The following MDGA2 variants were observed in gnomAD, a reference collection of about 807,000 sequenced individuals.
MDGA2 encodes the protein MAM domain-containing glycosylphosphatidylinositol anchor protein 2.
MDGA2 carries 40 observed loss-of-function variants against 117.8 expected under a neutral mutation model. That is an observed-to-expected ratio of 0.34 (90% CI 0.26 to 0.44). The LOEUF (loss-of-function observed/expected upper bound fraction) is 0.44, where lower values mean the gene tolerates loss of function less well. MDGA2 is among the 20% of genes least tolerant of loss of function. The pLI, the probability that MDGA2 is intolerant of heterozygous loss-of-function variation, is 1.00. For synonymous variants in MDGA2, 452 were observed against 439.0 expected (o/e 1.03, Z -0.37); for missense variants, 1,123 against 1,250.6 (o/e 0.90, Z 1.54).
At chr14:46,893,923 T>C (rs1882979402) in intron 10 of MDGA2, among the ~76,000 whole-genome samples, 1 of 152,008 alleles carries the variant, frequency 6.6e-6, no homozygotes, top group African/African-American at 2.4e-5. Flanking sequence ...CTTCTATGTA[T>C]ATGTCCCTTA....
chr14:47,372,669 T>A (rs950821025), intron 1 of MDGA2, among the ~76,000 whole-genome samples: 6 of 151,990 alleles, frequency 3.9e-5, no homozygotes, highest in Non-Finnish European at 7.4e-5. Context: ...ATATAGTAAA[T>A]TTAAGAATTA....
chr14:47,338,525 G>T (rs1890527381), intron 1 of MDGA2, among the ~76,000 whole-genome samples: 1 of 151,756 alleles, frequency 6.6e-6, no homozygotes. Context: ...TGTATGTTTG[G>T]AATCATAACC....
intron 2 of MDGA2, among the ~76,000 whole-genome samples, chr14:47,255,491 A>T (rs1361506062): frequency 6.6e-6 from 1 of 152,206 alleles, no homozygotes; most frequent in Non-Finnish European, 1.5e-5. Context: ...CCTTGGCCCT[A>T]TGCCTGCATC....
At chr14:47,441,244 C>A (rs559050124) in intron 1 of MDGA2, among the ~76,000 whole-genome samples, 1 of 152,190 alleles carries the variant, frequency 6.6e-6, no homozygotes, top group African/African-American at 2.4e-5. Flanking sequence ...ACAAGGGCAG[C>A]TGGTCACGGA....
chr14:46,920,030 G>A lies in MDGA2; in HGVS notation c.2220C>T (p.Tyr740=), dbSNP rs1884064643. 2 of 1,584,160 alleles carry A rather than the reference G, an allele frequency of 1.3e-6. No individual in the cohort carries two copies. The highest frequency in any genetic ancestry group is 1.8e-5 in the Admixed American group (1 of 54,242). The stretch of plus-strand genomic sequence containing the variant: ...TTCTCACCTGCCTGATGCCCAACCG[G>A]TATGCAACAATCCGATCCACTGCAT... ...NPDAVDRIVA[Y]RLGIRQAGQQ... is the part of the protein sequence containing the mutation. Residue 740 remains tyrosine (Y), a synonymous_variant, in exon 10 of 17, where the codon TAC becomes TAT. Transcript: ENST00000399232.
At chr14:47,607,279 A>C (rs1346834488) in intron 1 of MDGA2, among the ~76,000 whole-genome samples, 1 of 152,140 alleles carries the variant, frequency 6.6e-6, no homozygotes, top group Non-Finnish European at 1.5e-5. Flanking sequence ...GAAGAAAATA[A>C]AGTGCATATT....
intron 1 of MDGA2, among the ~76,000 whole-genome samples, chr14:47,571,429 A>C (rs1896017557): frequency 6.6e-6 from 1 of 152,222 alleles, no homozygotes; most frequent in African/African-American, 2.4e-5. Flanking sequence ...ATTATAAATC[A>C]TTCTACTATA....
Position 47,301,300 on chromosome 14 carries a change from CACACACA to C in MDGA2, c.420+104_420+110del. 7 of 343,920 alleles carry C rather than the reference CACACACA, an allele frequency of 2.0e-5. No individual in the cohort carries two copies. The African/African-American group carries it at 2.4e-4, about 12-fold the overall frequency. 21.3% of individuals were successfully genotyped at this position (343,920 alleles called of 1,614,324 possible). A position where few individuals can be genotyped will look rare whatever the true frequency, so the allele number is the denominator to read the frequency against. ...ACACACACACCCACACCCACCCACACACACACACACACACACACACAGTTTTAGCTAA... is the reference window on the plus strand; with the variant it reads ...ACACACACACCCACACCCACCCACACCACACACACACACAGTTTTAGCTAA... On this transcript the variant is annotated intron_variant, in intron 2 of 16. Coordinates refer to ENST00000399232, the MANE Select transcript of MDGA2 (RefSeq NM_001113498.3).
At position 47,190,053 on chromosome 14, in the gene MDGA2, G is replaced by T. The variant is rs2416034; in HGVS notation, c.595+27968C>A. ...GGTAGTGGTAGCATCTTACAGAAGT[G>T]CTCAGGTTCCTGGCTATTTACTAAA... On this transcript the variant is annotated intron_variant, in intron 3 of 16. Transcript: ENST00000399232. 2.0e-5 allele frequency among the ~76,000 whole-genome samples: 3 copies of T among 152,154 alleles called. 1 individual carries two copies. The South Asian group carries it at 6.2e-4, about 31-fold the overall frequency.
intron 3 of MDGA2, among the ~76,000 whole-genome samples, chr14:47,180,426 G>A (rs963629389): frequency 3.0e-4 from 45 of 152,238 alleles, no homozygotes; most frequent in African/African-American, 1.0e-3. Context: ...TATGAGATGA[G>A]AGAAATTTTT....
chr14:46,920,099 G>T lies in MDGA2; in HGVS notation c.2151C>A (p.His717Gln). Residue 717 changes from histidine to glutamine, a missense_variant, in exon 10 of 17, where the codon CAC (histidine) becomes CAA (glutamine). His to Gln is a conservative substitution (Grantham distance 24, BLOSUM62 0). Coordinates refer to ENST00000399232, the MANE Select transcript of MDGA2 (RefSeq NM_001113498.3). ...ACTGTAGACTGTAAGAATAAACACG[G>T]TGTCTGTTCTGCCATACTGGATTGT... ...DTYNPVWQNR[H>Q]RVYSYSLQWT... 3.1e-6 allele frequency: 5 copies of T among 1,611,738 alleles called. No individual in the cohort carries two copies. The highest frequency in any genetic ancestry group is 4.2e-6 in the Non-Finnish European group (5 of 1,178,974).
At chr14:47,345,777 T>C (rs905563418) in intron 1 of MDGA2, among the ~76,000 whole-genome samples, 5 of 152,144 alleles carry the variant, frequency 3.3e-5, no homozygotes, top group African/African-American at 1.2e-4. Context: ...AAGTGTAGCA[T>C]GTGTTTACTG....
At chr14:47,244,390 T>G (rs567720656) in intron 2 of MDGA2, among the ~76,000 whole-genome samples, 1 of 151,962 alleles carries the variant, frequency 6.6e-6, no homozygotes, top group East Asian at 1.9e-4. Flanking sequence ...TTGCCATTTT[T>G]ATTTATATAT....
At chr14:47,566,970 G>A (rs1451645246) in intron 1 of MDGA2, among the ~76,000 whole-genome samples, 3 of 151,000 alleles carry the variant, frequency 2.0e-5, no homozygotes, top group African/African-American at 4.9e-5. Context: ...ATGCAGTGGC[G>A]TGATCACAGC....
At chr14:46,993,415 T>C (rs1055080378) in intron 8 of MDGA2, among the ~76,000 whole-genome samples, 3 of 152,038 alleles carry the variant, frequency 2.0e-5, no homozygotes, top group Admixed American at 2.0e-4. Flanking sequence ...TAAATAATAC[T>C]TATTATACAT....
chr14:47,405,215 G>A (rs2138472383), intron 1 of MDGA2, among the ~76,000 whole-genome samples: 1 of 152,138 alleles, frequency 6.6e-6, no homozygotes, highest in African/African-American at 2.4e-5. Context: ...TTTAAATCAA[G>A]AAACTATAAT....
chr14:47,125,161 G>A (rs1440570129), intron 5 of MDGA2, among the ~76,000 whole-genome samples: 1 of 152,092 alleles, frequency 6.6e-6, no homozygotes, highest in Admixed American at 6.6e-5. Context: ...AAGGAAAATG[G>A]CTGATGTTAG....
At chr14:47,385,528 T>C (rs1215874519) in intron 1 of MDGA2, among the ~76,000 whole-genome samples, 1 of 152,154 alleles carries the variant, frequency 6.6e-6, no homozygotes, top group African/African-American at 2.4e-5. Flanking sequence ...AATAATATTA[T>C]TATTCAAGAG....
chr14:46,858,209 C>T (rs559446130), intron 14 of MDGA2, among the ~76,000 whole-genome samples: 3 of 150,870 alleles, frequency 2.0e-5, no homozygotes, highest in African/African-American at 7.3e-5. Flanking sequence ...CTGTCATCTC[C>T]AGTCTTCTGT....
Sources: gnomAD v4.1 joint callset for allele counts (sites outside exome capture counted in the v4.1 genomes callset) on GRCh38, gnomAD v4.1.1 for gene constraint, MANE v1.5 for transcripts, NCBI Gene and HGNC (gene_info 2026-07-23, HGNC 2026-07-21) for gene names.